Variants in COL4A2 observed in about 807,000 individuals in gnomAD.
The protein encoded by COL4A2 is collagen type IV alpha 2 chain.
In COL4A2, 99 loss-of-function variants were observed where a neutral mutation model predicts 200.2. That is an observed-to-expected ratio of 0.49 (90% CI 0.42 to 0.58). The LOEUF (loss-of-function observed/expected upper bound fraction) is 0.58. Ranked by LOEUF, COL4A2 falls within the 20% of genes least tolerant of loss-of-function variation. COL4A2 has a pLI of 0.00. For synonymous variants in COL4A2, 897 were observed against 900.6 expected, an observed-to-expected ratio of 1.00 and a Z score of 0.07; for missense variants, 1,950 against 2,314.1, an observed-to-expected ratio of 0.84 and a Z score of 3.23.
At chr13:110,422,555 C>T (rs373637512) in intron 4 of COL4A2, among the ~76,000 whole-genome samples, 3 of 152,186 alleles carry the variant, frequency 2.0e-5, no homozygotes, top group Non-Finnish European at 2.9e-5. Context: ...ATTGACAGGA[C>T]CCCTCTGGGA....
intron 4 of COL4A2, among the ~76,000 whole-genome samples, chr13:110,423,434 T>C (rs1880338202): frequency 6.6e-6 from 1 of 152,096 alleles, no homozygotes. Context: ...ACCCGGGGCC[T>C]GTGGGTGGGT....
chr13:110,337,161 C>T (rs1876231192), intron 3 of COL4A2, among the ~76,000 whole-genome samples: 1 of 152,196 alleles, frequency 6.6e-6, no homozygotes, highest in South Asian at 2.1e-4. Context: ...AGCCTGTAGG[C>T]CAGTGACAGT....
chr13:110,503,914 G>C lies in COL4A2; in HGVS notation c.4206G>C (p.Gly1402=), dbSNP rs200529706. Residue 1402 remains glycine, a synonymous_variant, in exon 44 of 48, where the codon GGG becomes GGC. Transcript: ENST00000360467. ...CCCAGAAGATTGCCGTCCAACCAGG[G>C]ACAGTGGGTCCCCAGGGGAGGCGAG... ...GIPQKIAVQP[G]TVGPQGRRGP... is the part of the protein sequence containing the mutation. 6.2e-7 allele frequency: 1 copy of C among 1,612,320 alleles called. No homozygotes were observed. The highest frequency in any genetic ancestry group is 8.5e-7 in the Non-Finnish European group (1 of 1,178,740).
rs753207768 is a variant in COL4A2, at chr13:110,512,027, A to G, written c.4975A>G (p.Asn1659Asp). ...CCGCGCCACACCATTCATCGAATGC[A>G]ATGGAGGCCGCGGCACCTGCCACTA... ...DFRATPFIEC[N>D]GGRGTCHYYA... The change falls in exon 48 of 48, where the codon AAT becomes GAT. Residue 1659 changes from asparagine (N) to aspartate (D), a missense_variant. By Grantham distance (23) the Asn-to-Asp change is conservative (BLOSUM62 1). Transcript: ENST00000360467. 6.2e-7 allele frequency: 1 copy of G among 1,613,562 alleles called. No homozygotes were observed. Among genetic ancestry groups the G allele is most frequent in the Non-Finnish European group, 8.5e-7 (1 of 1,180,044 alleles).
intron 22 of COL4A2, among the ~76,000 whole-genome samples, chr13:110,460,847 T>C (rs1175838609): frequency 1.3e-5 from 2 of 152,162 alleles, no homozygotes; most frequent in African/African-American, 4.8e-5. Flanking sequence ...TATTGATCGA[T>C]TGGGTCTGGT....
chr13:110,371,613 T>G (rs1001555599), intron 4 of COL4A2, among the ~76,000 whole-genome samples: 2 of 152,218 alleles, frequency 1.3e-5, no homozygotes, highest in African/African-American at 4.8e-5. Context: ...ATTTATCATG[T>G]TTTTATATCA....
chr13:110,338,997 TG>T (rs555259405), intron 3 of COL4A2, among the ~76,000 whole-genome samples: 103 of 152,366 alleles, frequency 6.8e-4, no homozygotes, highest in African/African-American at 2.3e-3. Flanking sequence ...GACTTGTGGT[TG>T]GCAGTTATGC....
chr13:110,462,168 A>T lies in COL4A2; in HGVS notation c.1651A>T (p.Arg551Ter), dbSNP rs766317300. 1 of 1,614,282 alleles carries T rather than the reference A, an allele frequency of 6.2e-7. No homozygotes were observed. Among genetic ancestry groups the T allele is most frequent in the Non-Finnish European group, 8.5e-7 (1 of 1,180,058 alleles). Residue 551 changes from arginine to a stop codon, truncating the protein, a stop_gained, in exon 23 of 48, where the codon AGA (arginine) becomes TGA (stop). Coordinates refer to ENST00000360467, the MANE Select transcript of COL4A2 (RefSeq NM_001846.4). LOFTEE classifies it high-confidence loss of function. ...PGPKGAKGDS[R>*]TITTKGERGQ... Reference sequence around the variant, plus strand: ...ACCCAAAGGAGCAAAAGGAGATTCCAGAACAATCACAACCAAAGGTGAGTT... The same window carrying T: ...ACCCAAAGGAGCAAAAGGAGATTCCTGAACAATCACAACCAAAGGTGAGTT...
intron 25 of COL4A2, 94 bp from the exon 26 acceptor site, chr13:110,465,909 C>T (rs558092459): frequency 2.4e-4 from 350 of 1,454,034 alleles, no homozygotes; most frequent in Non-Finnish European, 3.1e-4. Flanking sequence ...GCAACATATA[C>T]GACACACCTT....
rs548131143 is a variant in COL4A2, at chr13:110,503,990, C to G, written c.4282C>G (p.Pro1428Ala). The G allele has an allele frequency of 1.3e-6, 2 of 1,557,672 alleles. No individual in the cohort carries two copies. Among genetic ancestry groups the G allele is most frequent in the East Asian group, 2.2e-5 (1 of 44,538 alleles). The change falls in exon 44 of 48, where the codon CCA (proline) becomes GCA (alanine). Residue 1428 changes from proline to alanine, a missense_variant. Transcript: ENST00000360467. The part of the protein sequence containing the change: ...EMGPQGPPGE[P>A]GFRGAPGKAG... ...GGGGCCCCAGGGCCCCCCCGGAGAACCAGGTAGAGTGCTGAGCTGGGGCCT... is the reference window on the plus strand; with the variant it reads ...GGGGCCCCAGGGCCCCCCCGGAGAAGCAGGTAGAGTGCTGAGCTGGGGCCT...
intron 3 of COL4A2, chr13:110,328,625 G>A (rs1487692304): frequency 6.6e-6 from 1 of 152,232 alleles, no homozygotes; most frequent in Non-Finnish European, 1.5e-5. Context: ...GCGGTGGTAA[G>A]GATGGTAGAT....
In COL4A2 at chr13:110,487,822, C is replaced by T. The variant is rs190812515; in HGVS notation, c.3208-1623C>T. 3.3e-4 allele frequency among the ~76,000 whole-genome samples: 50 copies of T among 152,296 alleles called. No individual in the cohort carries two copies. In the East Asian group the frequency reaches 9.6e-3, roughly 29 times the overall value. The stretch of plus-strand genomic sequence containing the variant: ...GCACAGCTGCTTTAGGTGGGGTTGT[C>T]ATAGAGTGCTGACAGTGTTCTGTGT... On this transcript the variant is annotated intron_variant, in intron 34 of 47. Coordinates refer to ENST00000360467, the MANE Select transcript of COL4A2 (RefSeq NM_001846.4).
chr13:110,329,123 AAAATGAAGAAGT>A (rs1875780978), intron 3 of COL4A2, among the ~76,000 whole-genome samples: 1 of 152,250 alleles, frequency 6.6e-6, no homozygotes, highest in Non-Finnish European at 1.5e-5. Flanking sequence ...TAATCTGAAT[AAAATGAAGAAGT>A]AAATGGAGAA....
rs181816796 is a variant in COL4A2 at position 110,490,585 on chromosome 13, C to T, written c.3347-648C>T. Among the ~76,000 whole-genome samples the T allele has an allele frequency of 2.2e-4, 33 of 152,320 alleles. 1 individual carries two copies. Among genetic ancestry groups the T allele is most frequent in the African/African-American group, 6.7e-4 (28 of 41,576 alleles). On this transcript the variant is annotated intron_variant, in intron 36 of 47. Coordinates refer to ENST00000360467, the MANE Select transcript of COL4A2 (RefSeq NM_001846.4). ...AGGCGCCTCTGTTTACCAGCCCTCC[C>T]GGGCTCCTTTGTTATCTGTGACCTG...
chr13:110,372,812 A>G (rs994518347), intron 4 of COL4A2, among the ~76,000 whole-genome samples: 2 of 152,226 alleles, frequency 1.3e-5, no homozygotes, highest in Admixed American at 6.5e-5. Flanking sequence ...GGTGTTTCCT[A>G]TGCCTTTGGG....
intron 4 of COL4A2, among the ~76,000 whole-genome samples, chr13:110,359,177 G>A (rs1220363867): frequency 6.6e-6 from 1 of 152,142 alleles, no homozygotes; most frequent in Admixed American, 6.5e-5. Flanking sequence ...GAGGAAAAAA[G>A]GGTACCCCAA....
chr13:110,341,604 A>G (rs1001714437), intron 3 of COL4A2, among the ~76,000 whole-genome samples: 1 of 152,244 alleles, frequency 6.6e-6, no homozygotes, highest in Non-Finnish European at 1.5e-5. Flanking sequence ...TAACAACTCC[A>G]CTTTGAGAGG....
chr13:110,310,529 CAT>C (rs1272557223), intron 3 of COL4A2, among the ~76,000 whole-genome samples: 2 of 152,272 alleles, frequency 1.3e-5, no homozygotes, highest in African/African-American at 4.8e-5. Context: ...TGTTAAGAGA[CAT>C]GTAGTTTGTT....
intron 45 of COL4A2, among the ~76,000 whole-genome samples, chr13:110,506,116 G>A (rs374951210): frequency 9.9e-5 from 15 of 152,270 alleles, no homozygotes; most frequent in East Asian, 3.9e-4. Flanking sequence ...TCTGTGGGGC[G>A]GCTGTCAAGG....
Sources: gnomAD v4.1 joint callset for allele counts (sites outside exome capture counted in the v4.1 genomes callset) on GRCh38, gnomAD v4.1.1 for gene constraint, MANE v1.5 for transcripts, NCBI Gene and HGNC (gene_info 2026-07-23, HGNC 2026-07-21) for gene names.